The following TJP1 variants were observed in gnomAD, a reference collection of about 807,000 sequenced individuals.
TJP1 encodes the protein tight junction protein 1.
A neutral mutation model predicts 194.2 loss-of-function variants in TJP1; 43 were observed. The observed-to-expected ratio is 0.22, with a 90% CI of 0.17 to 0.29. The LOEUF (loss-of-function observed/expected upper bound fraction) is 0.29. Ranked by LOEUF, TJP1 falls within the 10% of genes least tolerant of loss-of-function variation. TJP1 has a pLI of 1.00. For missense variants in TJP1, 1,971 were observed against 2,185.7 expected, an observed-to-expected ratio of 0.90 and a Z score of 1.96; for synonymous variants, 801 against 779.0, an observed-to-expected ratio of 1.03 and a Z score of -0.47.
At chr15:29,758,037 T>C (rs947240203) in intron 8 of TJP1, among the ~76,000 whole-genome samples, 1 of 152,240 alleles carries the variant, frequency 6.6e-6, no homozygotes, top group Non-Finnish European at 1.5e-5. Context: ...AAATGTATTT[T>C]CTCTTATGAT....
chr15:29,948,118 A>G (rs1163689759), intron 2 of TJP1, among the ~76,000 whole-genome samples: 1 of 152,152 alleles, frequency 6.6e-6, no homozygotes, highest in East Asian at 1.9e-4. Flanking sequence ...GACAAGAATT[A>G]GCTGGGCATG....
chr15:29,956,750 C>T (rs534236452), intron 1 of TJP1, among the ~76,000 whole-genome samples: 4 of 152,174 alleles, frequency 2.6e-5, no homozygotes, highest in Admixed American at 2.6e-4. Context: ...TTAGCCTGTC[C>T]TGGTGGTGCA....
At chr15:29,968,498 G>T in intron 1 of TJP1, 2 of 881,312 alleles carry the variant, frequency 2.3e-6, no homozygotes, top group Non-Finnish European at 1.4e-6. Context: ...CCTGGGCTCG[G>T]CCTTGGCTGC....
chr15:29,907,598 A>G (rs1300887672), intron 2 of TJP1, among the ~76,000 whole-genome samples: 1 of 152,212 alleles, frequency 6.6e-6, no homozygotes, highest in Non-Finnish European at 1.5e-5. Flanking sequence ...GTAATCAGGA[A>G]CATAGAGTTA....
upstream of TJP1, among the ~76,000 whole-genome samples, chr15:29,824,963 AT>A (rs1274975711): frequency 6.6e-6 from 1 of 152,204 alleles, no homozygotes; most frequent in Non-Finnish European, 1.5e-5. Flanking sequence ...TAAAAATTAT[AT>A]TTAGTATTTC....
intron 2 of TJP1, among the ~76,000 whole-genome samples, chr15:29,910,401 C>A (rs1596239598): frequency 6.6e-6 from 1 of 152,348 alleles, no homozygotes; most frequent in East Asian, 1.9e-4. Context: ...CTTAGCCTAT[C>A]GCTAGGAAGT....
intron 4 of TJP1, among the ~76,000 whole-genome samples, chr15:29,770,616 C>T (rs1390723809): frequency 2.7e-5 from 4 of 147,670 alleles, no homozygotes; most frequent in Non-Finnish European, 6.0e-5. Context: ...GGACGCTGAG[C>T]TTGCAGTGAG....
At chr15:29,763,979 T>C (rs1309458203) in intron 5 of TJP1, among the ~76,000 whole-genome samples, 2 of 152,164 alleles carry the variant, frequency 1.3e-5, no homozygotes, top group Admixed American at 6.5e-5. Context: ...CACTTATAAA[T>C]GACCATTACA....
chr15:29,820,159 C>CT (rs34650430), intron 1 of TJP1, among the ~76,000 whole-genome samples: 16,151 of 134,964 alleles, frequency 0.12, 910 homozygotes, highest in Middle Eastern at 0.14. Context: ...TTAATGTTGC[C>CT]TTTTTTTTTT....
chr15:29,719,326 GTAGGGGCTTT>G (rs971160707), intron 20 of TJP1, among the ~76,000 whole-genome samples, 188 bp from the exon 21 acceptor site: 3 of 152,146 alleles, frequency 2.0e-5, no homozygotes, highest in Non-Finnish European at 4.4e-5. Context: ...TATAATGCAG[GTAGGGGCTTT>G]TATGTTTCAG....
intron 8 of TJP1, among the ~76,000 whole-genome samples, chr15:29,754,940 G>T (rs908434168): frequency 6.6e-6 from 1 of 152,134 alleles, no homozygotes; most frequent in Non-Finnish European, 1.5e-5. Flanking sequence ...GTTCTCAAAT[G>T]CTGACGAAAA....
At position 29,906,262 on chromosome 15, in the gene TJP1, C is replaced by G. The variant is rs551848970; in HGVS notation, c.306+49970G>C. Among the ~76,000 whole-genome samples the G allele has an allele frequency of 2.6e-5, 4 of 152,066 alleles. No individual in the cohort carries two copies. The East Asian group carries it at 7.8e-4, about 30-fold the overall frequency. Reference sequence around the variant, plus strand: ...CCGAGGTGGGTGGATCACTTGAGGTCAGGAGTTTGAGACCAGCTTGGCCAA... The same window carrying G: ...CCGAGGTGGGTGGATCACTTGAGGTGAGGAGTTTGAGACCAGCTTGGCCAA... On this transcript the variant is annotated intron_variant, in intron 2 of 28. Transcript: ENST00000356107.
chr15:29,815,865 G>A (rs1437705691), intron 1 of TJP1, among the ~76,000 whole-genome samples: 2 of 152,196 alleles, frequency 1.3e-5, no homozygotes, highest in Admixed American at 6.5e-5. Context: ...GTCAGAGCCA[G>A]ACCTTGTTTC....
intron 2 of TJP1, among the ~76,000 whole-genome samples, chr15:29,950,066 A>T (rs1237952725): frequency 2.3e-5 from 1 of 43,000 alleles, no homozygotes; most frequent in Non-Finnish European, 4.0e-5. Flanking sequence ...CTCCACCACC[A>T]CCACCTCCAC....
chr15:29,857,019 T>A (rs577667176), intron 2 of TJP1, among the ~76,000 whole-genome samples: 1 of 152,290 alleles, frequency 6.6e-6, no homozygotes, highest in Non-Finnish European at 1.5e-5. Context: ...TACCAGAGGG[T>A]ATGTGCAGGT....
chr15:29,892,765 C>G (rs2090978), intron 2 of TJP1, among the ~76,000 whole-genome samples: 229 of 152,306 alleles, frequency 1.5e-3, no homozygotes, highest in African/African-American at 5.2e-3. Context: ...GAAAAAGATT[C>G]CTTTCAAAAT....
At chr15:29,704,915 C>T (rs549996794) in intron 26 of TJP1, among the ~76,000 whole-genome samples, 1 of 152,224 alleles carries the variant, frequency 6.6e-6, no homozygotes, top group East Asian at 1.9e-4. Flanking sequence ...TACAAAAAAG[C>T]GAACTAAATT....
intron 8 of TJP1, among the ~76,000 whole-genome samples, chr15:29,746,365 G>A (rs1210131166): frequency 6.6e-6 from 1 of 150,764 alleles, no homozygotes; most frequent in East Asian, 1.9e-4. Context: ...ACGACAGAGT[G>A]AGACTCCGTC....
intron 2 of TJP1, among the ~76,000 whole-genome samples, chr15:29,876,541 A>AT (rs528748624): frequency 3.0e-4 from 46 of 151,050 alleles, no homozygotes; most frequent in Non-Finnish European, 4.6e-4. Context: ...AAAATATGAG[A>AT]TTTTTTTTGT....
Sources: allele counts gnomAD v4.1 joint callset (sites outside exome capture counted in the v4.1 genomes callset), GRCh38; gene constraint gnomAD v4.1.1; transcripts MANE v1.5; gene names NCBI Gene and HGNC (gene_info 2026-07-23, HGNC 2026-07-21).